FAF1: variants seen among roughly 807,000 people sequenced by gnomAD.
FAF1 encodes Fas associated factor 1, also known as FAS-associated factor 1.
Under a neutral mutation model 92.5 loss-of-function variants are expected in FAF1, and 25 were observed. That is an observed-to-expected ratio of 0.27 (90% CI 0.20 to 0.38). The LOEUF is 0.38. Ranked by LOEUF, FAF1 falls within the 10% of genes least tolerant of loss-of-function variation. The pLI, the probability that FAF1 is intolerant of heterozygous loss-of-function variation, is 1.00. For missense variants in FAF1, 636 were observed against 793.3 expected, an observed-to-expected ratio of 0.80 and a Z score of 2.38; for synonymous variants, 234 against 273.2, an observed-to-expected ratio of 0.86 and a Z score of 1.42.
At chr1:50,905,948 T>A (rs997149350) in intron 1 of FAF1, among the ~76,000 whole-genome samples, 5 of 152,246 alleles carry the variant, frequency 3.3e-5, no homozygotes, top group Non-Finnish European at 7.3e-5. Flanking sequence ...CATGAAGTCC[T>A]TGCCCATGCC....
intron 4 of FAF1, among the ~76,000 whole-genome samples, chr1:50,746,567 G>T (rs538772900): frequency 3.2e-4 from 48 of 151,752 alleles, no homozygotes; most frequent in African/African-American, 1.1e-3. Flanking sequence ...CTCCCAAAGT[G>T]CTGGGATTAC....
At chr1:50,444,712 C>T (rs942271674) in intron 18 of FAF1, among the ~76,000 whole-genome samples, 4 of 152,152 alleles carry the variant, frequency 2.6e-5, no homozygotes, top group Non-Finnish European at 4.4e-5. Flanking sequence ...ACTTTATATA[C>T]TTTTTATATA....
Position 50,583,988 on chromosome 1 carries a change from AAT to A in FAF1, c.968-275_968-274del. On this transcript the variant is annotated intron_variant, in intron 10 of 18. Transcript: ENST00000396153. The surrounding 1 kb of genome is among the most constrained non-coding windows in gnomAD (Gnocchi z 4.2). ...GGACACAATCCTGCTAAGCATTTAA[AAT>A]ATGTGCCCAGTTGTCATTTAGGATT... 6.6e-6 allele frequency among the ~76,000 whole-genome samples: 1 copy of A among 152,240 alleles called. No homozygotes were observed. Among genetic ancestry groups the A allele is most frequent in the South Asian group, 2.1e-4 (1 of 4,830 alleles).
chr1:50,441,320 G>A lies in FAF1; in HGVS notation c.*120C>T. The A allele has an allele frequency of 1.8e-6, 1 of 558,136 alleles. No individual in the cohort carries two copies. Among genetic ancestry groups the A allele is most frequent in the Non-Finnish European group, 3.2e-6 (1 of 312,908 alleles). 34.6% of individuals were successfully genotyped at this position (558,136 alleles called of 1,614,324 possible). On this transcript the variant is annotated 3_prime_UTR_variant, in exon 19 of 19. Coordinates refer to ENST00000396153, the MANE Select transcript of FAF1 (RefSeq NM_007051.3). ...TACTTTTTCCAGCAATTTTGCAAGAGGCAGAAGTGTGACATTGAATTGAGT... is the reference window on the plus strand; with the variant it reads ...TACTTTTTCCAGCAATTTTGCAAGAAGCAGAAGTGTGACATTGAATTGAGT...
intron 13 of FAF1, among the ~76,000 whole-genome samples, chr1:50,554,390 T>TATATATATATATATATATAGAGAG: frequency 1.1e-5 from 1 of 93,678 alleles, no homozygotes; most frequent in Non-Finnish European, 2.0e-5. Flanking sequence ...TATATATATA[T>TATATATATATATATATATAGAGAG]AGAGAGAGAG....
chr1:50,501,868 A>T lies in FAF1; in HGVS notation c.1495-10067T>A, dbSNP rs140390927. Among the ~76,000 whole-genome samples the T allele has an allele frequency of 1.2e-3, 180 of 152,326 alleles. 2 individuals are homozygous for T. In the East Asian group the frequency reaches 0.031, roughly 26 times the overall value. The stretch of plus-strand genomic sequence containing the variant: ...CTTAAGTAAGTAGTTACCCAAGACA[A>T]ATGACCATATTACCATATGCCTATA... On this transcript the variant is annotated intron_variant, in intron 15 of 18. Transcript: ENST00000396153.
chr1:50,881,508 C>T (rs1220623151), intron 1 of FAF1, among the ~76,000 whole-genome samples: 2 of 152,158 alleles, frequency 1.3e-5, no homozygotes, highest in African/African-American at 4.8e-5. Context: ...ACCTATCACA[C>T]TCCCTCACAC....
chr1:50,464,352 G>A (rs1398216745), intron 18 of FAF1, among the ~76,000 whole-genome samples: 1 of 152,064 alleles, frequency 6.6e-6, no homozygotes, highest in Non-Finnish European at 1.5e-5. Context: ...ATTATTATCT[G>A]CCTTTTACAG....
At chr1:50,856,332 T>G (rs1030597697) in intron 2 of FAF1, among the ~76,000 whole-genome samples, 1 of 151,836 alleles carries the variant, frequency 6.6e-6, no homozygotes, top group Non-Finnish European at 1.5e-5. Flanking sequence ...CACTTATTAT[T>G]GCAAAAGAAG....
At chr1:50,573,431 G>GA (rs367577010) in intron 12 of FAF1, among the ~76,000 whole-genome samples, 2,123 of 151,928 alleles carry the variant, frequency 0.014, 46 homozygotes, top group African/African-American at 0.047. Context: ...GTGAGAGTGA[G>GA]AAAAAGAAGA....
chr1:50,469,715 G>T (rs996032587), intron 18 of FAF1, among the ~76,000 whole-genome samples: 5 of 152,218 alleles, frequency 3.3e-5, no homozygotes, highest in Non-Finnish European at 5.9e-5. Flanking sequence ...GAAGCCATAG[G>T]TTTAATTTGG....
chr1:50,617,337 T>C (rs1652964717), intron 8 of FAF1, among the ~76,000 whole-genome samples: 1 of 152,166 alleles, frequency 6.6e-6, no homozygotes, highest in African/African-American at 2.4e-5. Context: ...GCCTCATCTG[T>C]TGAGGGTTTT....
At chr1:50,753,528 C>T (rs1053438769) in intron 4 of FAF1, among the ~76,000 whole-genome samples, 1 of 152,148 alleles carries the variant, frequency 6.6e-6, no homozygotes, top group African/African-American at 2.4e-5. Flanking sequence ...AAGTGTTTTA[C>T]AAAGTGGCTT....
rs1646167266 is a variant in FAF1 at position 50,441,621 on chromosome 1, G to A, written c.1870-98C>T. 6 of 576,634 alleles carry A rather than the reference G, an allele frequency of 1.0e-5. No homozygotes were observed. In the South Asian group the frequency reaches 1.9e-4, roughly 18 times the overall value. The allele number at this position is 576,634 out of a possible 1,614,324, so 35.7% of individuals were successfully genotyped here. A position where few individuals can be genotyped will look rare whatever the true frequency, so the allele number is the denominator to read the frequency against. ...CTATGCACACTGATTCTGAAACTAT[G>A]CACTGGCACGAAGAGTCTCGCAGTA... On this transcript the variant is annotated intron_variant, in intron 18 of 18. Coordinates refer to ENST00000396153, the MANE Select transcript of FAF1 (RefSeq NM_007051.3).
chr1:50,541,404 C>G lies in FAF1; in HGVS notation c.1269-1676G>C, dbSNP rs1483961588. On this transcript the variant is annotated intron_variant, in intron 13 of 18. Coordinates refer to ENST00000396153, the MANE Select transcript of FAF1 (RefSeq NM_007051.3). Reference sequence around the variant, plus strand: ...CACAACTATGATGGGATAAAAGGTGCTCAAGCAGCCTAACCTTCTATGCCA... The same window carrying G: ...CACAACTATGATGGGATAAAAGGTGGTCAAGCAGCCTAACCTTCTATGCCA... Among the ~76,000 whole-genome samples, 4 of 152,246 alleles carry G rather than the reference C, an allele frequency of 2.6e-5. 1 individual carries two copies. The highest frequency in any genetic ancestry group is 2.6e-4 in the Admixed American group (4 of 15,292).
chr1:50,947,777 A>C (rs929676681), intron 1 of FAF1, among the ~76,000 whole-genome samples: 4 of 152,210 alleles, frequency 2.6e-5, no homozygotes, highest in African/African-American at 9.7e-5. Context: ...TACAACCCTC[A>C]ATTTAGTCAA....
intron 2 of FAF1, chr1:50,846,891 C>A: frequency 2.5e-6 from 1 of 400,090 alleles, no homozygotes; most frequent in Non-Finnish European, 4.6e-6. Context: ...CATATTTGAG[C>A]AGCATGGATG....
chr1:50,557,293 A>G (rs755975381), intron 13 of FAF1, among the ~76,000 whole-genome samples: 2 of 152,260 alleles, frequency 1.3e-5, no homozygotes, highest in African/African-American at 2.4e-5. Context: ...GTTAGCCAAC[A>G]GTAGATAAAC....
At chr1:50,857,593 G>C (rs1644399875) in intron 2 of FAF1, among the ~76,000 whole-genome samples, 1 of 151,706 alleles carries the variant, frequency 6.6e-6, no homozygotes, top group Non-Finnish European at 1.5e-5. Context: ...CAGAAGTGAG[G>C]GGGAAACATC....
Sources: gnomAD v4.1 joint callset for allele counts (sites outside exome capture counted in the v4.1 genomes callset) on GRCh38, gnomAD v4.1.1 for gene constraint, Gnocchi (gnomAD v3.1) non-coding constraint, MANE v1.5 for transcripts, NCBI Gene and HGNC (gene_info 2026-07-23, HGNC 2026-07-21) for gene names.